Variants in LRP5 observed in about 807,000 individuals in gnomAD.
The protein encoded by LRP5 is LDL receptor related protein 5.
LRP5 carries 62 observed loss-of-function variants against 154.1 expected under a neutral mutation model. The observed-to-expected ratio is 0.40, with a 90% CI of 0.33 to 0.50. The LOEUF (loss-of-function observed/expected upper bound fraction) is 0.50. Among genes scored for constraint, LRP5 ranks in the 20% least tolerant of loss-of-function variants. The pLI, the probability that LRP5 is intolerant of heterozygous loss-of-function variation, is 0.55. For synonymous variants in LRP5, 966 were observed against 1,011.5 expected (o/e 0.96, Z 0.85); for missense variants, 1,915 against 2,336.7 (o/e 0.82, Z 3.72).
At chr11:68,328,805 C>CT (rs1344525936) in intron 1 of LRP5, among the ~76,000 whole-genome samples, 1 of 152,210 alleles carries the variant, frequency 6.6e-6, no homozygotes, top group African/African-American at 2.4e-5. Flanking sequence ...TGCCCTTTTC[C>CT]TTTTCTGTCT....
intron 5 of LRP5, among the ~76,000 whole-genome samples, chr11:68,384,459 G>A (rs1007175917): frequency 7.2e-5 from 11 of 152,290 alleles, no homozygotes; most frequent in Admixed American, 3.3e-4. Flanking sequence ...CTCTGACCCT[G>A]ACCTTCTTGG....
chr11:68,362,463 G>A (rs1255613092), intron 3 of LRP5, among the ~76,000 whole-genome samples: 2 of 152,108 alleles, frequency 1.3e-5, no homozygotes, highest in Admixed American at 1.3e-4. Flanking sequence ...CGGGTGGATC[G>A]CCTGAGCTCA....
intron 2 of LRP5, among the ~76,000 whole-genome samples, chr11:68,354,555 C>G (rs577460677): frequency 2.3e-4 from 35 of 152,326 alleles, no homozygotes; most frequent in Admixed American, 8.5e-4. Flanking sequence ...TGGGGACGTG[C>G]AGGTAAAGCA....
chr11:68,393,678 G>T (rs1202204372), intron 7 of LRP5, among the ~76,000 whole-genome samples: 1 of 152,200 alleles, frequency 6.6e-6, no homozygotes, highest in African/African-American at 2.4e-5. Context: ...CTACTTGGGA[G>T]GCTGAGGCAG....
intron 1 of LRP5, among the ~76,000 whole-genome samples, chr11:68,345,284 T>A (rs2098611970): frequency 6.6e-6 from 1 of 152,128 alleles, no homozygotes; most frequent in African/African-American, 2.4e-5. Context: ...TTTGTTTTTT[T>A]GTTTTTGTTT....
chr11:68,373,164 TGAC>T (rs2098635301), intron 5 of LRP5, among the ~76,000 whole-genome samples: 1 of 152,038 alleles, frequency 6.6e-6, no homozygotes, highest in South Asian at 2.1e-4. Context: ...CCTGGGTGTC[TGAC>T]CGTTTATCTT....
intron 7 of LRP5, among the ~76,000 whole-genome samples, chr11:68,397,591 G>A (rs1244364458): frequency 1.3e-5 from 2 of 152,192 alleles, no homozygotes; most frequent in African/African-American, 4.8e-5. Flanking sequence ...TGGAAGCTGT[G>A]GCCCTTGTAT....
In LRP5 at chr11:68,386,704, C is replaced by T. The variant is rs747067664; in HGVS notation, c.1404C>T (p.Pro468=). 1.1e-5 allele frequency: 17 copies of T among 1,612,820 alleles called. No homozygotes were observed. The highest frequency in any genetic ancestry group is 8.0e-5 in the African/African-American group (6 of 74,928). ...LDEPRAIALH[P]VMGLMYWTDW... is the part of the protein sequence containing the mutation. ...AGCCCCGAGCCATCGCACTGCACCC[C>T]GTGATGGGGTAAGACGGGCGGGGGC... Residue 468 remains proline (P), a synonymous_variant, in exon 6 of 23, where the codon CCC becomes CCT. Coordinates refer to ENST00000294304, the MANE Select transcript of LRP5 (RefSeq NM_002335.4). This position sits in a 1 kb window ranked among gnomAD's most constrained non-coding sequence, Gnocchi z 7.9.
chr11:68,388,067 C>T (rs1036280761), intron 6 of LRP5, among the ~76,000 whole-genome samples: 10 of 151,958 alleles, frequency 6.6e-5, no homozygotes, highest in Non-Finnish European at 1.3e-4. Context: ...GCAGCGGGAG[C>T]ACAGCAGGCA....
rs1384193095 is a variant in LRP5, at chr11:68,426,125, A to G, written c.3575A>G (p.Gln1192Arg). The change falls in exon 16 of 23, where the codon CAG becomes CGG. Residue 1192 changes from glutamine to arginine, a missense_variant. Gln to Arg is a conservative substitution (Grantham distance 43). Transcript: ENST00000294304. ...KTTGDKRTRI[Q>R]GRVAHLTGIH... Reference sequence around the variant, plus strand: ...ACCGGGGACAAGCGGACTCGCATCCAGGGCCGTGTCGCCCACCTCACTGGC... The same window carrying G: ...ACCGGGGACAAGCGGACTCGCATCCGGGGCCGTGTCGCCCACCTCACTGGC... 4.3e-6 allele frequency: 7 copies of G among 1,613,244 alleles called. No homozygotes were observed. In the South Asian group the frequency reaches 6.6e-5, roughly 15 times the overall value.
intron 5 of LRP5, among the ~76,000 whole-genome samples, chr11:68,367,624 C>T (rs978212308): frequency 6.6e-5 from 10 of 152,182 alleles, no homozygotes; most frequent in Non-Finnish European, 1.5e-5. Flanking sequence ...GGAGCTGGAC[C>T]CTGCGCTCTG....
At chr11:68,331,714 A>G (rs2098602893) in intron 1 of LRP5, among the ~76,000 whole-genome samples, 1 of 151,454 alleles carries the variant, frequency 6.6e-6, no homozygotes, top group South Asian at 2.1e-4. Context: ...ACTTGCCTGG[A>G]CCTCAGTCAA....
At chr11:68,411,415 C>T in intron 10 of LRP5, 21 bp from the exon 11 acceptor site, 5 of 1,608,314 alleles carry the variant, frequency 3.1e-6, no homozygotes, top group Non-Finnish European at 4.2e-6. Flanking sequence ...TGAGCCTGCC[C>T]TTCTCCCTTG....
intron 11 of LRP5, among the ~76,000 whole-genome samples, chr11:68,411,994 G>A (rs2098659854): frequency 6.6e-6 from 1 of 152,176 alleles, no homozygotes; most frequent in African/African-American, 2.4e-5. Context: ...TAGCTGGTGA[G>A]TTCAGGATCC....
At chr11:68,315,679 G>T (rs2098592786) in intron 1 of LRP5, among the ~76,000 whole-genome samples, 1 of 152,200 alleles carries the variant, frequency 6.6e-6, no homozygotes, top group African/African-American at 2.4e-5. Context: ...GGCAGATAAG[G>T]CCCCGCCCCT....
chr11:68,446,328 A>AG (rs1236549221), intron 21 of LRP5, 108 bp from the exon 22 acceptor site: 2 of 820,770 alleles, frequency 2.4e-6, no homozygotes, highest in Non-Finnish European at 2.1e-6. Context: ...CCTGGGAAGC[A>AG]GGGGGGCCAG....
chr11:68,428,532 C>A (rs985700056), intron 16 of LRP5, among the ~76,000 whole-genome samples: 4 of 151,966 alleles, frequency 2.6e-5, no homozygotes, highest in African/African-American at 9.7e-5. Context: ...TGCGCCGCCT[C>A]AACCTCTGCC....
At chr11:68,365,391 C>T (rs1591231932) in intron 4 of LRP5, among the ~76,000 whole-genome samples, 180 bp from the exon 5 acceptor site, 2 of 152,156 alleles carry the variant, frequency 1.3e-5, no homozygotes, top group South Asian at 2.1e-4. Context: ...GTGGACGGGC[C>T]AGCGATGAGG....
chr11:68,316,591 G>T (rs1380328551), intron 1 of LRP5, among the ~76,000 whole-genome samples: 2 of 152,196 alleles, frequency 1.3e-5, no homozygotes, highest in Admixed American at 6.6e-5. Context: ...CCTTTTTGTG[G>T]CTGAATAATA....
Sources: allele counts gnomAD v4.1 joint callset (sites outside exome capture counted in the v4.1 genomes callset), GRCh38; gene constraint gnomAD v4.1.1; non-coding constraint Gnocchi (gnomAD v3.1); transcripts MANE v1.5; gene names NCBI Gene and HGNC (gene_info 2026-07-23, HGNC 2026-07-21).